IGSF21: variants seen among roughly 807,000 people sequenced by gnomAD.
The protein encoded by IGSF21 is immunoglobin superfamily member 21.
Under a neutral mutation model 46.8 loss-of-function variants are expected in IGSF21, and 28 were observed. The observed-to-expected ratio is 0.60, with a 90% CI of 0.44 to 0.82. The LOEUF (loss-of-function observed/expected upper bound fraction) is 0.82, where lower values mean the gene tolerates loss of function less well. IGSF21 is among the 40% of genes least tolerant of loss of function. The pLI, the probability that IGSF21 is intolerant of heterozygous loss-of-function variation, is 0.00. For synonymous variants in IGSF21, 284 were observed against 273.6 expected (o/e 1.04, Z -0.38); for missense variants, 624 against 665.5 (o/e 0.94, Z 0.69).
At chr1:18,115,867 A>T (rs989696847) in intron 1 of IGSF21, 1 of 115,878 alleles carries the variant, frequency 8.6e-6, no homozygotes, top group Non-Finnish European at 1.8e-5. Flanking sequence ...GAAAGAAAGA[A>T]AGAAAGAAAG....
chr1:18,163,055 A>T (rs955404688), intron 1 of IGSF21, among the ~76,000 whole-genome samples: 4 of 152,126 alleles, frequency 2.6e-5, no homozygotes, highest in African/African-American at 9.7e-5. Flanking sequence ...ATCCCCAGTC[A>T]TTCTAGGGTG....
chr1:18,365,067 G>A lies in IGSF21; in HGVS notation c.541-156G>A, dbSNP rs1219631757. On this transcript the variant is annotated intron_variant, in intron 5 of 9. Coordinates refer to ENST00000251296, the MANE Select transcript of IGSF21 (RefSeq NM_032880.5). This position sits in a 1 kb window ranked among gnomAD's most constrained non-coding sequence, Gnocchi z 4.8. ...GTACCACACTGGCTCATAGTTCTTG[G>A]GGGTGTTGAAGGGAAAAGAGTGGGG... is the stretch of plus-strand genomic sequence containing the variant. 2.0e-5 allele frequency among the ~76,000 whole-genome samples: 3 copies of A among 152,104 alleles called. No homozygotes were observed. Among genetic ancestry groups the A allele is most frequent in the Non-Finnish European group, 4.4e-5 (3 of 68,036 alleles).
intron 1 of IGSF21, among the ~76,000 whole-genome samples, chr1:18,165,851 A>G (rs1570287373): frequency 6.6e-6 from 1 of 152,194 alleles, no homozygotes; most frequent in South Asian, 2.1e-4. Flanking sequence ...CTTTCTCAGC[A>G]TTCCACAAGT....
intron 4 of IGSF21, among the ~76,000 whole-genome samples, chr1:18,336,915 A>G (rs2085773909): frequency 6.6e-6 from 1 of 152,170 alleles, no homozygotes; most frequent in African/African-American, 2.4e-5. Flanking sequence ...TGTGCAGGGA[A>G]ACTCCCCTTT....
intron 2 of IGSF21, among the ~76,000 whole-genome samples, chr1:18,278,240 ATTTATTTAT>A (rs1399535413): frequency 5.4e-5 from 7 of 130,700 alleles, no homozygotes; most frequent in Admixed American, 1.6e-4. Flanking sequence ...TTATTTATTT[ATTTATTTAT>A]TTTATTTTGA....
chr1:18,331,069 T>G (rs1040838679), intron 3 of IGSF21, among the ~76,000 whole-genome samples: 1 of 152,234 alleles, frequency 6.6e-6, no homozygotes, highest in Non-Finnish European at 1.5e-5. Context: ...TATTTTAAGA[T>G]TTACAGTTTT....
chr1:18,129,674 A>G lies in IGSF21; in HGVS notation c.70+21476A>G, dbSNP rs541087636. ...AGGTGCAGTCTCGTATCGACCCAGCAACCCCTCATGGTAGGCATCTTGTCC... is the reference window on the plus strand; with the variant it reads ...AGGTGCAGTCTCGTATCGACCCAGCGACCCCTCATGGTAGGCATCTTGTCC... On this transcript the variant is annotated intron_variant, in intron 1 of 9. Coordinates refer to ENST00000251296, the MANE Select transcript of IGSF21 (RefSeq NM_032880.5). Among the ~76,000 whole-genome samples the G allele has an allele frequency of 3.3e-5, 5 of 152,314 alleles. No individual in the cohort carries two copies. The South Asian group carries it at 1.0e-3, about 32-fold the overall frequency.
At chr1:18,336,129 A>G (rs1388943134) in intron 4 of IGSF21, among the ~76,000 whole-genome samples, 3 of 152,188 alleles carry the variant, frequency 2.0e-5, no homozygotes, top group Admixed American at 1.3e-4. Context: ...GCACCTACCT[A>G]TGAGGTGGCC....
chr1:18,308,017 C>T lies in IGSF21; in HGVS notation c.305+16030C>T, dbSNP rs962344570. Among the ~76,000 whole-genome samples the T allele has an allele frequency of 5.9e-5, 9 of 152,288 alleles. No individual in the cohort carries two copies. The East Asian group carries it at 1.2e-3, about 20-fold the overall frequency. On this transcript the variant is annotated intron_variant, in intron 3 of 9. Transcript: ENST00000251296. ...ATCGCATCATAGATGACCCTCCCAA[C>T]GGCCCCTAAAGGGACACCCTGCTCC...
At chr1:18,279,503 A>T (rs983804558) in intron 2 of IGSF21, among the ~76,000 whole-genome samples, 1 of 152,206 alleles carries the variant, frequency 6.6e-6, no homozygotes, top group African/African-American at 2.4e-5. Flanking sequence ...CCCATAGAAC[A>T]GCAGGAAGAG....
chr1:18,353,637 T>A (rs1164759590), intron 4 of IGSF21, among the ~76,000 whole-genome samples: 3 of 152,076 alleles, frequency 2.0e-5, no homozygotes, highest in Admixed American at 6.5e-5. Context: ...GGGGTGACAT[T>A]TGAGCTGAGA....
chr1:18,251,018 G>A lies in IGSF21; in HGVS notation c.183+23008G>A, dbSNP rs149951180. On this transcript the variant is annotated intron_variant, in intron 2 of 9. Coordinates refer to ENST00000251296, the MANE Select transcript of IGSF21 (RefSeq NM_032880.5). ...TTGAAGCTGAGCTCTATATGACAAGGAGTTAGCCAAGCAAAGACCTGAGGG... is the reference window on the plus strand; with the variant it reads ...TTGAAGCTGAGCTCTATATGACAAGAAGTTAGCCAAGCAAAGACCTGAGGG... 2.1e-3 allele frequency among the ~76,000 whole-genome samples: 319 copies of A among 152,250 alleles called. 2 individuals carry two copies. The highest frequency in any genetic ancestry group is 3.2e-3 in the Non-Finnish European group (218 of 68,024).
chr1:18,310,524 C>T (rs541117693), intron 3 of IGSF21, among the ~76,000 whole-genome samples: 1 of 152,264 alleles, frequency 6.6e-6, no homozygotes, highest in South Asian at 2.1e-4. Flanking sequence ...CTGTTGCTTC[C>T]AGTTTTTGAG....
intron 3 of IGSF21, among the ~76,000 whole-genome samples, chr1:18,295,898 G>C (rs967915466): frequency 5.9e-5 from 9 of 152,198 alleles, no homozygotes; most frequent in Non-Finnish European, 1.3e-4. Flanking sequence ...TGCTCAGGAG[G>C]ACAAAGTACA....
At chr1:18,278,536 TTTGTTTGTTTG>T (rs1557621414) in intron 2 of IGSF21, among the ~76,000 whole-genome samples, 38 of 113,230 alleles carry the variant, frequency 3.4e-4, no homozygotes, top group African/African-American at 1.8e-3. Context: ...GTTTTTTTTG[TTTGTTTGTTTG>T]TTTGTTTGTT....
chr1:18,316,957 C>T (rs1425660598), intron 3 of IGSF21, among the ~76,000 whole-genome samples: 1 of 152,202 alleles, frequency 6.6e-6, no homozygotes, highest in East Asian at 1.9e-4. Flanking sequence ...GACAGAGTGG[C>T]TCATGGAGGT....
At chr1:18,237,721 T>C (rs542117549) in intron 2 of IGSF21, among the ~76,000 whole-genome samples, 23 of 152,276 alleles carry the variant, frequency 1.5e-4, no homozygotes, top group African/African-American at 3.9e-4. Context: ...CATCTTTGCA[T>C]CTCTTGCGGA....
chr1:18,359,342 G>A (rs851742), intron 4 of IGSF21, among the ~76,000 whole-genome samples: 8,536 of 34,322 alleles, frequency 0.25, 669 homozygotes, highest in South Asian at 0.29. Flanking sequence ...GAAAGAAAAA[G>A]AAAGAAAGAA....
At position 18,365,564 on chromosome 1, in the gene IGSF21, C is replaced by T; in HGVS notation, c.882C>T (p.Ser294=). The T allele has an allele frequency of 6.2e-7, 1 of 1,614,204 alleles. No homozygotes were observed. Among genetic ancestry groups the T allele is most frequent in the Non-Finnish European group, 8.5e-7 (1 of 1,180,042 alleles). The change falls in exon 6 of 10, where the codon AGC becomes AGT. Residue 294 remains serine, a synonymous_variant. Transcript: ENST00000251296. This position sits in a 1 kb window ranked among gnomAD's most constrained non-coding sequence, Gnocchi z 4.8. ...TYFLRHSRTP[S]SDGTVEVRAL... ...TCCTGCGCCACAGCCGCACCCCGAG[C>T]AGTGACGGCACTGTGGAAGTACGTG... is the stretch of plus-strand genomic sequence containing the variant.
Sources: allele counts gnomAD v4.1 joint callset (sites outside exome capture counted in the v4.1 genomes callset), GRCh38; gene constraint gnomAD v4.1.1; non-coding constraint Gnocchi (gnomAD v3.1); transcripts MANE v1.5; gene names NCBI Gene and HGNC (gene_info 2026-07-23, HGNC 2026-07-21).